The following DLC1 variants were observed in gnomAD, a reference collection of about 807,000 sequenced individuals.
The protein encoded by DLC1 is rho GTPase-activating protein 7.
A neutral mutation model predicts 140.3 loss-of-function variants in DLC1; 54 were observed. The observed-to-expected ratio is 0.38, with a 90% CI of 0.31 to 0.48. The LOEUF is 0.48. DLC1 is among the 20% of genes least tolerant of loss of function. The pLI is 0.96. For missense variants in DLC1, 2,536 were observed against 1,907.0 expected (o/e 1.33, Z -6.14); for synonymous variants, 986 against 728.1 (o/e 1.35, Z -5.70).
intron 10 of DLC1, chr8:13,095,532 C>A: frequency 2.9e-6 from 1 of 341,196 alleles, no homozygotes; most frequent in Non-Finnish European, 5.4e-6. Context: ...TCTAGATCTT[C>A]TAAGAGTGGG....
intron 5 of DLC1, among the ~76,000 whole-genome samples, chr8:13,165,290 TAAAAG>T (rs1163582765): frequency 6.6e-6 from 1 of 152,064 alleles, no homozygotes; most frequent in East Asian, 1.9e-4. Flanking sequence ...AGTGTTCAGT[TAAAAG>T]AAAGAAGGAG....
intron 7 of DLC1, among the ~76,000 whole-genome samples, chr8:13,110,319 A>T (rs541310015): frequency 7.8e-4 from 119 of 152,324 alleles, no homozygotes; most frequent in African/African-American, 2.6e-3. Context: ...TCATTATTTT[A>T]TACGAGGGGA....
chr8:13,602,200 A>G (rs534078959), intron 1 of DLC1, among the ~76,000 whole-genome samples: 1 of 151,874 alleles, frequency 6.6e-6, no homozygotes, highest in Non-Finnish European at 1.5e-5. Context: ...AAAAGTGTAT[A>G]AGACAAAAAT....
At chr8:13,086,849 C>T (rs531189297) in intron 16 of DLC1, among the ~76,000 whole-genome samples, 12 of 151,898 alleles carry the variant, frequency 7.9e-5, no homozygotes, top group Non-Finnish European at 1.0e-4. Flanking sequence ...CATAGTGATA[C>T]CTCATCTCTA....
Position 13,513,674 on chromosome 8 carries a change from G to T in DLC1, c.-126+928C>A, listed in dbSNP as rs567894849. On this transcript the variant is annotated intron_variant, in intron 1 of 17. Transcript: ENST00000276297. ...TATAACAGTATCTTATGCATTATAA[G>T]TCCACACTTTTTCGGTCATTACTAA... is the stretch of plus-strand genomic sequence containing the variant. Among the ~76,000 whole-genome samples the T allele has an allele frequency of 6.9e-4, 105 of 152,096 alleles. 2 individuals carry two copies. In the South Asian group the frequency reaches 0.022, roughly 31 times the overall value.
intron 4 of DLC1, among the ~76,000 whole-genome samples, chr8:13,350,251 TC>T (rs1399836495): frequency 2.6e-5 from 4 of 152,136 alleles, no homozygotes; most frequent in Non-Finnish European, 4.4e-5. Flanking sequence ...TTTTTATAAC[TC>T]CCTTATCTCG....
At position 13,095,143 on chromosome 8, in the gene DLC1, C is replaced by T. The variant is rs138098839; in HGVS notation, c.3270G>A (p.Pro1090=). The T allele has an allele frequency of 3.0e-4, 482 of 1,614,270 alleles. No individual in the cohort carries two copies. The highest frequency in any genetic ancestry group is 5.0e-4 in the Admixed American group (30 of 60,034). The change falls in exon 11 of 18, where the codon CCG becomes CCA. Residue 1090 remains proline (P), a synonymous_variant. Transcript: ENST00000276297. ...TGGCCTGCTGGATGCTCTGAGGCAACGGTTGTCCTGTGCGCTGCACGTTGA... is the reference window on the plus strand; with the variant it reads ...TGGCCTGCTGGATGCTCTGAGGCAATGGTTGTCCTGTGCGCTGCACGTTGA... ...LTVNVQRTGQ[P]LPQSIQQAMR...
intron 1 of DLC1, chr8:13,567,042 C>G (rs1804461979): frequency 2.1e-5 from 32 of 1,551,490 alleles, no homozygotes; most frequent in Non-Finnish European, 2.8e-5. Context: ...CTCTTGCAAA[C>G]CTTTCTGATG....
At chr8:13,549,937 T>A (rs1415269120) in intron 1 of DLC1, among the ~76,000 whole-genome samples, 1 of 152,182 alleles carries the variant, frequency 6.6e-6, no homozygotes, top group Non-Finnish European at 1.5e-5. Flanking sequence ...GCAGAAACAG[T>A]TAAATTCATT....
intron 5 of DLC1, among the ~76,000 whole-genome samples, chr8:13,125,894 A>T (rs924204057): frequency 1.3e-5 from 2 of 152,056 alleles, no homozygotes; most frequent in African/African-American, 4.8e-5. Context: ...CCTTGAAAGG[A>T]GGAAACACTG....
chr8:13,602,575 A>G (rs980878275), intron 1 of DLC1, among the ~76,000 whole-genome samples: 2 of 151,864 alleles, frequency 1.3e-5, no homozygotes, highest in African/African-American at 4.8e-5. Flanking sequence ...AAGTGGCTGT[A>G]TATGAAACAA....
intron 5 of DLC1, among the ~76,000 whole-genome samples, chr8:13,263,978 T>C (rs1269148600): frequency 6.6e-6 from 1 of 152,014 alleles, no homozygotes; most frequent in African/African-American, 2.4e-5. Context: ...GGAAACAACA[T>C]AGATGCCTTT....
chr8:13,089,451 C>G (rs1274165172), intron 15 of DLC1, among the ~76,000 whole-genome samples: 1 of 151,730 alleles, frequency 6.6e-6, no homozygotes, highest in East Asian at 1.9e-4. Context: ...ATGGTGAAAC[C>G]CCGTCTCTAC....
chr8:13,328,891 A>G (rs1158114556), intron 4 of DLC1, among the ~76,000 whole-genome samples: 9 of 152,156 alleles, frequency 5.9e-5, no homozygotes, highest in Non-Finnish European at 1.2e-4. Context: ...AGGTGAGATG[A>G]GAATGCAAAT....
chr8:13,602,687 T>C (rs936554064), intron 1 of DLC1, among the ~76,000 whole-genome samples: 8 of 151,914 alleles, frequency 5.3e-5, no homozygotes, highest in African/African-American at 1.7e-4. Flanking sequence ...TTTATGTATC[T>C]TAAAAAGTTA....
At position 13,169,608 on chromosome 8, in the gene DLC1, T is replaced by C. The variant is rs561395432; in HGVS notation, c.1349-53951A>G. Among the ~76,000 whole-genome samples the C allele has an allele frequency of 2.0e-5, 3 of 152,290 alleles. No homozygotes were observed. In the East Asian group the frequency reaches 5.8e-4, roughly 29 times the overall value. On this transcript the variant is annotated intron_variant, in intron 5 of 17. Transcript: ENST00000276297. ...CTGCTCTGTGGTTTTGGCCAAGTCTTAATCTTTGGAAACTCAGTTTTCCCA... is the reference window on the plus strand; with the variant it reads ...CTGCTCTGTGGTTTTGGCCAAGTCTCAATCTTTGGAAACTCAGTTTTCCCA...
chr8:13,129,956 G>A (rs2128962034), intron 5 of DLC1, among the ~76,000 whole-genome samples: 1 of 152,266 alleles, frequency 6.6e-6, no homozygotes, highest in African/African-American at 2.4e-5. Context: ...CCTGTTGCTA[G>A]GAAGGAGAGT....
Position 13,129,442 on chromosome 8 carries a change from G to A in DLC1, c.1349-13785C>T, listed in dbSNP as rs937441573. ...CACCCAGACTGCAACATGAAGGAACGTATTTTTTAGTGTCTTGAATGACGT... is the reference window on the plus strand; with the variant it reads ...CACCCAGACTGCAACATGAAGGAACATATTTTTTAGTGTCTTGAATGACGT... On this transcript the variant is annotated intron_variant, in intron 5 of 17. Transcript: ENST00000276297. Among the ~76,000 whole-genome samples, 3 of 152,194 alleles carry A rather than the reference G, an allele frequency of 2.0e-5. No individual in the cohort carries two copies. The East Asian group carries it at 5.8e-4, about 29-fold the overall frequency.
intron 7 of DLC1, among the ~76,000 whole-genome samples, chr8:13,106,468 C>T (rs952871132): frequency 1.3e-5 from 2 of 152,178 alleles, no homozygotes; most frequent in African/African-American, 4.8e-5. Flanking sequence ...CCGCCTCAGC[C>T]TCCCAAGTAG....
Sources: allele counts gnomAD v4.1 joint callset (sites outside exome capture counted in the v4.1 genomes callset), GRCh38; gene constraint gnomAD v4.1.1; transcripts MANE v1.5; gene names NCBI Gene and HGNC (gene_info 2026-07-23, HGNC 2026-07-21).